The following SYNE2 variants were observed in gnomAD, a reference collection of about 807,000 sequenced individuals.
SYNE2 encodes spectrin repeat containing nuclear envelope protein 2.
SYNE2 carries 431 observed loss-of-function variants against 856.3 expected under a neutral mutation model. The observed-to-expected ratio is 0.50, with a 90% CI of 0.47 to 0.55. The LOEUF is 0.55. Ranked by LOEUF, SYNE2 falls within the 20% of genes least tolerant of loss-of-function variation. The pLI, the probability that SYNE2 is intolerant of heterozygous loss-of-function variation, is 0.00. For synonymous variants in SYNE2, 2,923 were observed against 2,872.3 expected, an observed-to-expected ratio of 1.02 and a Z score of -0.56; for missense variants, 8,129 against 8,023.2, an observed-to-expected ratio of 1.01 and a Z score of -0.50.
At chr14:64,148,109 C>T (rs921271375) in intron 84 of SYNE2, among the ~76,000 whole-genome samples, 4 of 151,984 alleles carry the variant, frequency 2.6e-5, no homozygotes, top group African/African-American at 9.7e-5. Context: ...TCCAGGAGCT[C>T]GAGACCAGCC....
At chr14:63,913,557 A>G (rs12888712) in intron 2 of SYNE2, among the ~76,000 whole-genome samples, 13,953 of 149,740 alleles carry the variant, frequency 0.093, 745 homozygotes, top group African/African-American at 0.14. Context: ...CCGCCTCCAG[A>G]GTTCAAGTGA....
chr14:63,854,786 TAG>T (rs1469470319), intron 1 of SYNE2, among the ~76,000 whole-genome samples: 1 of 152,242 alleles, frequency 6.6e-6, no homozygotes, highest in Non-Finnish European at 1.5e-5. Context: ...AATTGTGTTG[TAG>T]GATATTACAG....
At chr14:63,984,658 G>C (rs185739877) in intron 18 of SYNE2, among the ~76,000 whole-genome samples, 1 of 152,262 alleles carries the variant, frequency 6.6e-6, no homozygotes, top group African/African-American at 2.4e-5. Flanking sequence ...TCATATACTT[G>C]TAAGATATAA....
intron 1 of SYNE2, among the ~76,000 whole-genome samples, chr14:63,823,623 A>ATTTTTTTTTT (rs34883942): frequency 7.0e-6 from 1 of 142,968 alleles, no homozygotes. Context: ...TGGAAGGAAC[A>ATTTTTTTTTT]TTTTTTTTTT....
chr14:64,182,360 ATTTATTTAT>A (rs1369498542), intron 96 of SYNE2, among the ~76,000 whole-genome samples: 1 of 64,896 alleles, frequency 1.5e-5, no homozygotes, highest in Non-Finnish European at 3.2e-5. Flanking sequence ...AATTTAATTT[ATTTATTTAT>A]TTTTTATTTT....
At chr14:64,174,390 AT>A (rs929089715) in intron 94 of SYNE2, among the ~76,000 whole-genome samples, 3 of 152,198 alleles carry the variant, frequency 2.0e-5, no homozygotes, top group Non-Finnish European at 4.4e-5. Context: ...TTGTTTTTAA[AT>A]TGTTTTTAAT....
At chr14:63,922,855 A>G (rs1316210178) in intron 2 of SYNE2, among the ~76,000 whole-genome samples, 1 of 152,172 alleles carries the variant, frequency 6.6e-6, no homozygotes, top group Non-Finnish European at 1.5e-5. Flanking sequence ...CACTTAAACA[A>G]TAACCCTGAG....
At chr14:63,964,354 A>C (rs939846586) in intron 10 of SYNE2, among the ~76,000 whole-genome samples, 1 of 152,192 alleles carries the variant, frequency 6.6e-6, no homozygotes, top group Non-Finnish European at 1.5e-5. Context: ...GAACAGAGCC[A>C]CACCCATTTA....
Position 63,982,109 on chromosome 14 carries a change from C to T in SYNE2, c.1837-521C>T, listed in dbSNP as rs530754646. Among the ~76,000 whole-genome samples, 11 of 152,326 alleles carry T rather than the reference C, an allele frequency of 7.2e-5. No individual in the cohort carries two copies. In the East Asian group the frequency reaches 1.9e-3, roughly 27 times the overall value. ...CTAAAATTTGAAGGAGACACAACAA[C>T]ATCCATCTGTTGGACACCATGCTGC... is the stretch of plus-strand genomic sequence containing the variant. On this transcript the variant is annotated intron_variant, in intron 16 of 115. Transcript: ENST00000555002.
At chr14:64,075,639 G>A (rs1215911127) in intron 53 of SYNE2, 3 of 266,756 alleles carry the variant, frequency 1.1e-5, no homozygotes, top group Admixed American at 5.1e-5. Context: ...TTTTAGATCA[G>A]GACTGCAATG....
intron 1 of SYNE2, among the ~76,000 whole-genome samples, chr14:63,819,776 TCC>T: frequency 6.6e-6 from 1 of 150,768 alleles, no homozygotes. Context: ...GACCTCGTGA[TCC>T]ACCCGCCTCG....
At chr14:64,099,263 G>A (rs10149623) in intron 63 of SYNE2, 24,001 of 176,848 alleles carry the variant, frequency 0.14, 1,961 homozygotes, top group East Asian at 0.36. Context: ...GATTATAACT[G>A]GTTGAATGAG....
At chr14:63,770,794 G>C (rs556815878) in intron 1 of SYNE2, among the ~76,000 whole-genome samples, 1 of 152,146 alleles carries the variant, frequency 6.6e-6, no homozygotes, top group Non-Finnish European at 1.5e-5. Flanking sequence ...CATATCCACT[G>C]TGTGAGCCAC....
At chr14:64,071,220 C>T (rs966751293) in intron 52 of SYNE2, among the ~76,000 whole-genome samples, 3 of 152,084 alleles carry the variant, frequency 2.0e-5, no homozygotes, top group Non-Finnish European at 2.9e-5. Context: ...TCAGGCCGAG[C>T]GCGGTGGCTC....
intron 70 of SYNE2, among the ~76,000 whole-genome samples, chr14:64,122,925 C>A (rs936392809): frequency 2.0e-5 from 3 of 151,928 alleles, no homozygotes; most frequent in African/African-American, 7.3e-5. Flanking sequence ...CATGGAGAAA[C>A]CCTGTCTCTA....
At chr14:64,033,376 CT>C (rs2097057580) in intron 45 of SYNE2, among the ~76,000 whole-genome samples, 1 of 152,084 alleles carries the variant, frequency 6.6e-6, no homozygotes, top group South Asian at 2.1e-4. Context: ...AGATCATAAT[CT>C]AAAAATAAGA....
At chr14:64,004,191 A>ATTTT (rs35011962) in intron 30 of SYNE2, among the ~76,000 whole-genome samples, 1 of 138,328 alleles carries the variant, frequency 7.2e-6, no homozygotes, top group Non-Finnish European at 1.6e-5. Flanking sequence ...TGCCTGGCTA[A>ATTTT]TTTTTTTTTT....
At chr14:64,151,673 G>T (rs76134655) in intron 84 of SYNE2, among the ~76,000 whole-genome samples, 1 of 152,264 alleles carries the variant, frequency 6.6e-6, no homozygotes, top group East Asian at 1.9e-4. Flanking sequence ...CATGCATCTG[G>T]ATGGGAATGT....
At chr14:63,847,032 G>T (rs1160144273) in intron 1 of SYNE2, among the ~76,000 whole-genome samples, 1 of 151,406 alleles carries the variant, frequency 6.6e-6, no homozygotes, top group Non-Finnish European at 1.5e-5. Context: ...GTGTTGCCCA[G>T]GTTGGTCTTG....
Sources: allele counts gnomAD v4.1 joint callset (sites outside exome capture counted in the v4.1 genomes callset), GRCh38; gene constraint gnomAD v4.1.1; transcripts MANE v1.5; gene names NCBI Gene and HGNC (gene_info 2026-07-23, HGNC 2026-07-21).